CACNB4: variants seen among roughly 807,000 people sequenced by gnomAD.
CACNB4 encodes calcium voltage-gated channel auxiliary subunit beta 4.
In CACNB4, 32 loss-of-function variants were observed where a neutral mutation model predicts 71.2. The ratio of observed to expected loss-of-function variants is 0.45; its 90% CI spans 0.34 to 0.60. The LOEUF is 0.60. CACNB4 is among the 20% of genes least tolerant of loss of function. The pLI is 0.01. For missense variants in CACNB4, 464 were observed against 647.9 expected (o/e 0.72, Z 3.08); for synonymous variants, 231 against 236.9 (o/e 0.97, Z 0.23).
chr2:152,051,197 G>A (rs530871663), intron 2 of CACNB4, among the ~76,000 whole-genome samples: 8 of 152,076 alleles, frequency 5.3e-5, no homozygotes, highest in Non-Finnish European at 7.4e-5. Flanking sequence ...TTCCTTGACC[G>A]CCCCCCATCC....
intron 2 of CACNB4, among the ~76,000 whole-genome samples, chr2:152,088,140 A>AACACACACACACACACAC (rs55688548): frequency 3.6e-5 from 5 of 137,028 alleles, no homozygotes; most frequent in African/African-American, 5.8e-5. Context: ...TTCCCCACTT[A>AACACACACACACACACAC]ACACACACAC....
intron 2 of CACNB4, among the ~76,000 whole-genome samples, chr2:152,090,152 T>G (rs1039814711): frequency 1.3e-5 from 2 of 152,170 alleles, no homozygotes; most frequent in African/African-American, 4.8e-5. Context: ...AAAAGATGGG[T>G]CAGACCCAGA....
chr2:152,064,675 G>A (rs932981959), intron 2 of CACNB4, among the ~76,000 whole-genome samples: 12 of 152,154 alleles, frequency 7.9e-5, no homozygotes, highest in African/African-American at 2.9e-4. Flanking sequence ...GAGCCACCAC[G>A]CCCGGCCCTA....
At chr2:152,027,905 A>G (rs532675480) in intron 2 of CACNB4, among the ~76,000 whole-genome samples, 93 of 150,264 alleles carry the variant, frequency 6.2e-4, no homozygotes, top group African/African-American at 2.2e-3. Context: ...TGAGGCTCTC[A>G]AGCCATTTTC....
At chr2:152,078,909 G>A (rs1468965001) in intron 2 of CACNB4, among the ~76,000 whole-genome samples, 4 of 152,090 alleles carry the variant, frequency 2.6e-5, no homozygotes, top group Non-Finnish European at 4.4e-5. Flanking sequence ...ATAGACCCAG[G>A]CAGAGTTTCA....
At chr2:152,021,162 G>A (rs957761188) in intron 2 of CACNB4, among the ~76,000 whole-genome samples, 2 of 152,126 alleles carry the variant, frequency 1.3e-5, no homozygotes, top group Non-Finnish European at 1.5e-5. Flanking sequence ...CAGGGGAATC[G>A]CTTGAACCCG....
chr2:151,975,297 G>C (rs899020059), intron 2 of CACNB4, among the ~76,000 whole-genome samples: 3 of 152,156 alleles, frequency 2.0e-5, no homozygotes, highest in Non-Finnish European at 4.4e-5. Flanking sequence ...GAACAAACCT[G>C]AGTCAAAATA....
chr2:151,900,497 G>A (rs577519609), intron 2 of CACNB4, among the ~76,000 whole-genome samples: 1 of 152,332 alleles, frequency 6.6e-6, no homozygotes, highest in South Asian at 2.1e-4. Context: ...GTGGTGCCTT[G>A]CCTTATGAGT....
intron 2 of CACNB4, among the ~76,000 whole-genome samples, chr2:152,027,169 T>C (rs1437651554): frequency 3.5e-4 from 54 of 152,178 alleles, no homozygotes; most frequent in Admixed American, 3.5e-3. Flanking sequence ...TCCCAAAGTG[T>C]TGAGATTACA....
chr2:152,030,750 C>T (rs1684241520), intron 2 of CACNB4, among the ~76,000 whole-genome samples: 1 of 152,240 alleles, frequency 6.6e-6, no homozygotes, highest in Admixed American at 6.5e-5. Context: ...TTCCAGCTGC[C>T]TCCATGTCCC....
At chr2:152,055,582 T>C (rs1173544504) in intron 2 of CACNB4, among the ~76,000 whole-genome samples, 1 of 152,158 alleles carries the variant, frequency 6.6e-6, no homozygotes, top group Non-Finnish European at 1.5e-5. Flanking sequence ...ATGAATGGAT[T>C]TGCACACCCC....
intron 2 of CACNB4, among the ~76,000 whole-genome samples, chr2:152,060,705 C>T (rs558745337): frequency 6.6e-6 from 1 of 152,238 alleles, no homozygotes; most frequent in African/African-American, 2.4e-5. Context: ...ACCAAATCTC[C>T]AGCAACAGGG....
At chr2:152,040,689 C>G (rs1323119254) in intron 2 of CACNB4, among the ~76,000 whole-genome samples, 2 of 152,198 alleles carry the variant, frequency 1.3e-5, no homozygotes, top group African/African-American at 4.8e-5. Context: ...GATACACTCG[C>G]CTCGGCCTCC....
At chr2:151,901,273 G>A (rs1041312813) in intron 2 of CACNB4, among the ~76,000 whole-genome samples, 5 of 152,012 alleles carry the variant, frequency 3.3e-5, no homozygotes, top group African/African-American at 7.2e-5. Context: ...ATGAGCCACC[G>A]TGCCTGGCCT....
chr2:151,939,151 C>G lies in CACNB4; in HGVS notation c.148-55781G>C, dbSNP rs147622035. 3.2e-3 allele frequency among the ~76,000 whole-genome samples: 488 copies of G among 152,338 alleles called. 1 individual carries two copies. Among genetic ancestry groups the G allele is most frequent in the Non-Finnish European group, 6.0e-3 (410 of 68,026 alleles). ...CACAGTGCTTCAAGAGGAATTATTA[C>G]TGGCATCCAAAAAGCAGGAAGGCAG... On this transcript the variant is annotated intron_variant, in intron 2 of 13. Coordinates refer to ENST00000539935, the MANE Select transcript of CACNB4 (RefSeq NM_000726.5).
At chr2:151,856,216 G>A (rs2099840274) in intron 10 of CACNB4, among the ~76,000 whole-genome samples, 1 of 146,586 alleles carries the variant, frequency 6.8e-6, no homozygotes, top group South Asian at 2.1e-4. Context: ...ATATAAAAAA[G>A]TTTTATATAT....
intron 2 of CACNB4, among the ~76,000 whole-genome samples, chr2:151,903,273 G>T (rs1013208598): frequency 3.9e-5 from 6 of 152,064 alleles, no homozygotes; most frequent in Admixed American, 6.6e-5. Context: ...CAGCACTTTG[G>T]GGGGCTGAGG....
At chr2:151,994,324 C>T (rs934784169) in intron 2 of CACNB4, among the ~76,000 whole-genome samples, 4 of 149,260 alleles carry the variant, frequency 2.7e-5, no homozygotes, top group Non-Finnish European at 5.9e-5. Flanking sequence ...TCTTCTGCCT[C>T]AGCCTCCCAA....
At chr2:151,865,540 A>G (rs1390341305) in intron 9 of CACNB4, among the ~76,000 whole-genome samples, 1 of 151,398 alleles carries the variant, frequency 6.6e-6, no homozygotes, top group Non-Finnish European at 1.5e-5. Context: ...ACAAACTGCA[A>G]CTGGTTTGAC....
Sources: gnomAD v4.1 joint callset for allele counts (sites outside exome capture counted in the v4.1 genomes callset) on GRCh38, gnomAD v4.1.1 for gene constraint, MANE v1.5 for transcripts, NCBI Gene and HGNC (gene_info 2026-07-23, HGNC 2026-07-21) for gene names.